The following DPYS variants were observed in gnomAD, a reference collection of about 807,000 sequenced individuals.
DPYS encodes the protein dihydropyrimidinase.
A neutral mutation model predicts 50.3 loss-of-function variants in DPYS; 39 were observed. The ratio of observed to expected loss-of-function variants is 0.78; its 90% CI spans 0.60 to 1.01. The LOEUF (loss-of-function observed/expected upper bound fraction) is 1.01, where lower values mean the gene tolerates loss of function less well. Among genes scored for constraint, DPYS ranks in the 50% least tolerant of loss-of-function variants. DPYS has a pLI of 0.00. For synonymous variants in DPYS, 245 were observed against 250.7 expected, an observed-to-expected ratio of 0.98 and a Z score of 0.22; for missense variants, 659 against 680.9, an observed-to-expected ratio of 0.97 and a Z score of 0.36.
chr8:104,466,071 G>C (rs1022345863), intron 1 of DPYS, among the ~76,000 whole-genome samples: 1 of 152,020 alleles, frequency 6.6e-6, no homozygotes, highest in African/African-American at 2.4e-5. Context: ...GGGTGGGAGT[G>C]GGGGCAGAGG....
chr8:104,429,469 A>G, intron 5 of DPYS, 76 bp downstream of exon 5: 1 of 1,598,498 alleles, frequency 6.3e-7, no homozygotes, highest in Non-Finnish European at 8.6e-7. Flanking sequence ...TGGAGGATCC[A>G]GATGGGAGGA....
intron 4 of DPYS, among the ~76,000 whole-genome samples, chr8:104,430,363 C>CAA (rs71577916): frequency 3.0e-4 from 44 of 148,164 alleles, no homozygotes; most frequent in Non-Finnish European, 4.9e-4. Flanking sequence ...ATGAGGCCAT[C>CAA]AAAAAAAAAA....
Position 104,389,545 on chromosome 8 carries a change from T to TTTA in DPYS, c.1443+3238_1443+3239insTAA, listed in dbSNP as rs1564079188. ...TGACTATTTTCTTCCTTTTATTTTT[T>TTTA]TTTTTTTGTCTCTACAGAGGTCCAG... is the stretch of plus-strand genomic sequence containing the variant. On this transcript the variant is annotated intron_variant, in intron 8 of 9. Coordinates refer to ENST00000351513, the MANE Select transcript of DPYS (RefSeq NM_001385.3). 1.6e-3 allele frequency among the ~76,000 whole-genome samples: 250 copies of TTTA among 152,146 alleles called. 2 individuals carry two copies. The highest frequency in any genetic ancestry group is 0.011 in the Admixed American group (161 of 15,288).
intron 2 of DPYS, 140 bp from the exon 3 acceptor site, chr8:104,447,643 G>T: frequency 1.1e-6 from 1 of 951,800 alleles, no homozygotes; most frequent in Non-Finnish European, 1.6e-6. Context: ...CCACAAAAAT[G>T]CAATTAAGGC....
intron 1 of DPYS, among the ~76,000 whole-genome samples, chr8:104,456,023 C>T (rs1813910501): frequency 6.6e-6 from 1 of 152,054 alleles, no homozygotes; most frequent in Admixed American, 6.5e-5. Context: ...CCCATAAGAT[C>T]ACAGTACCAT....
At position 104,392,768 on chromosome 8, in the gene DPYS, AC is replaced by A. The variant is rs1251876418; in HGVS notation, c.1443+15del. 2 of 1,613,980 alleles carry A rather than the reference AC, an allele frequency of 1.2e-6. No homozygotes were observed. Among genetic ancestry groups the A allele is most frequent in the Admixed American group, 3.3e-5 (2 of 60,022 alleles). On this transcript the variant is annotated intron_variant, in intron 8 of 9. Coordinates refer to ENST00000351513, the MANE Select transcript of DPYS (RefSeq NM_001385.3). ...ACAGTCCGACTTGTGGCAGTATCCC[AC>A]TGTGGCACACTCACCCGGTCTCGCT... is the stretch of plus-strand genomic sequence containing the variant.
chr8:104,429,576 T>C lies in DPYS; in HGVS notation c.919A>G (p.Thr307Ala). ...AACAGATTCATGAGGAAGTCGGGTG[T>C]TGAGGGGTCTGGTCGCAAAGGTGGA... ...MGPPLRPDPSTPDFLMNLLAN... is the reference protein window; with the variant it reads ...MGPPLRPDPSAPDFLMNLLAN... Residue 307 changes from threonine (T) to alanine (A), a missense_variant, in exon 5 of 10, where the codon ACA becomes GCA. Thr to Ala is a moderately conservative substitution (Grantham distance 58). Coordinates refer to ENST00000351513, the MANE Select transcript of DPYS (RefSeq NM_001385.3). The C allele has an allele frequency of 6.2e-7, 1 of 1,614,096 alleles. No individual in the cohort carries two copies. The highest frequency in any genetic ancestry group is 8.5e-7 in the Non-Finnish European group (1 of 1,179,996).
intron 1 of DPYS, among the ~76,000 whole-genome samples, chr8:104,454,820 C>T (rs866653973): frequency 1.6e-4 from 24 of 151,988 alleles, no homozygotes; most frequent in East Asian, 7.7e-4. Flanking sequence ...AGATTAGAGA[C>T]GGCTTGGATT....
At chr8:104,400,325 A>G (rs1178389204) in intron 7 of DPYS, among the ~76,000 whole-genome samples, 1 of 152,228 alleles carries the variant, frequency 6.6e-6, no homozygotes, top group Admixed American at 6.5e-5. Context: ...GAGACTCAAA[A>G]AGAACCAAGA....
chr8:104,425,099 G>T (rs908598359), intron 6 of DPYS, among the ~76,000 whole-genome samples: 11 of 152,022 alleles, frequency 7.2e-5, no homozygotes, highest in African/African-American at 2.7e-4. Context: ...CAAAGTGTTG[G>T]GATTACAGGC....
At chr8:104,415,446 GA>G (rs1269666249) in intron 7 of DPYS, among the ~76,000 whole-genome samples, 1 of 152,156 alleles carries the variant, frequency 6.6e-6, no homozygotes, top group Non-Finnish European at 1.5e-5. Context: ...AAAGTCCCTA[GA>G]AATCATTTCT....
intron 4 of DPYS, among the ~76,000 whole-genome samples, chr8:104,440,133 C>A (rs1813295789): frequency 7.4e-6 from 1 of 135,566 alleles, no homozygotes; most frequent in African/African-American, 2.7e-5. Context: ...GATTAAAATA[C>A]TACTATGTGC....
At chr8:104,390,511 T>C (rs1344768320) in intron 8 of DPYS, among the ~76,000 whole-genome samples, 1 of 151,864 alleles carries the variant, frequency 6.6e-6, no homozygotes, top group East Asian at 1.9e-4. Context: ...TTTTTTTTTT[T>C]TTTTAAGACA....
intron 1 of DPYS, among the ~76,000 whole-genome samples, chr8:104,464,463 C>T (rs994801950): frequency 3.9e-5 from 6 of 152,162 alleles, no homozygotes; most frequent in African/African-American, 1.4e-4. Context: ...AAAGCTACTG[C>T]TCAGCTGTAA....
chr8:104,424,374 C>T lies in DPYS; in HGVS notation c.1108G>A (p.Asp370Asn), dbSNP rs1014702313. ...WEKGVHSGKM[D>N]ENRFVAVTST... ...GTAACTGCCACAAATCTGTTTTCAT[C>T]CATTTTACCACTATGCTGTAAAGCA... The change falls in exon 7 of 10, where the codon GAT (aspartate) becomes AAT (asparagine). Residue 370 changes from aspartate (D) to asparagine (N), a missense_variant. Coordinates refer to ENST00000351513, the MANE Select transcript of DPYS (RefSeq NM_001385.3). The T allele has an allele frequency of 6.2e-6, 10 of 1,613,680 alleles. No individual in the cohort carries two copies. The highest frequency in any genetic ancestry group is 1.3e-5 in the African/African-American group (1 of 74,916).
At chr8:104,456,503 A>G (rs1373877428) in intron 1 of DPYS, among the ~76,000 whole-genome samples, 1 of 152,170 alleles carries the variant, frequency 6.6e-6, no homozygotes, top group African/African-American at 2.4e-5. Context: ...ACAACCACTT[A>G]TCTTTTGTTT....
At chr8:104,447,856 AATC>A (rs1203838083) in intron 2 of DPYS, among the ~76,000 whole-genome samples, 2 of 152,260 alleles carry the variant, frequency 1.3e-5, no homozygotes, top group Non-Finnish European at 2.9e-5. Flanking sequence ...CAACAGAAGC[AATC>A]ATGGATCCAG....
intron 7 of DPYS, among the ~76,000 whole-genome samples, chr8:104,406,309 T>C (rs1811993843): frequency 6.6e-6 from 1 of 152,200 alleles, no homozygotes; most frequent in Non-Finnish European, 1.5e-5. Context: ...TGTTTTCTCC[T>C]TAAAATGGTT....
intron 7 of DPYS, among the ~76,000 whole-genome samples, chr8:104,398,701 C>G (rs566213248): frequency 7.9e-5 from 12 of 152,332 alleles, no homozygotes; most frequent in African/African-American, 2.2e-4. Flanking sequence ...CTAAGAGAGG[C>G]CCTGGAGAGA....
Sources: gnomAD v4.1 joint callset for allele counts (sites outside exome capture counted in the v4.1 genomes callset) on GRCh38, gnomAD v4.1.1 for gene constraint, MANE v1.5 for transcripts, NCBI Gene and HGNC (gene_info 2026-07-23, HGNC 2026-07-21) for gene names.